RAD54L2: variants seen among roughly 807,000 people sequenced by gnomAD.
RAD54L2 encodes the protein RAD54 like 2, also known as helicase ARIP4.
RAD54L2 carries 27 observed loss-of-function variants against 138.4 expected under a neutral mutation model. The ratio of observed to expected loss-of-function variants is 0.20; its 90% CI spans 0.14 to 0.27. The LOEUF (loss-of-function observed/expected upper bound fraction) is 0.27. Among genes scored for constraint, RAD54L2 ranks in the 10% least tolerant of loss-of-function variants. The pLI, the probability that RAD54L2 is intolerant of heterozygous loss-of-function variation, is 1.00. For missense variants in RAD54L2, 1,396 were observed against 1,890.2 expected, an observed-to-expected ratio of 0.74 and a Z score of 4.85; for synonymous variants, 644 against 723.2, an observed-to-expected ratio of 0.89 and a Z score of 1.76.
chr3:51,541,549 AGGC>A (rs1698548843), intron 1 of RAD54L2, 37 bp from the exon 2 acceptor site: 1 of 152,170 alleles, frequency 6.6e-6, no homozygotes, highest in Non-Finnish European at 1.5e-5. Flanking sequence ...GGGAGCATGA[AGGC>A]GTTGCTTATC....
chr3:51,638,400 T>C lies in RAD54L2; in HGVS notation c.1860+79T>C, dbSNP rs142303419. Reference sequence around the variant, plus strand: ...CCAAGGGAGTTACTCCTACTGAGAGTCTTCAATAAAGGGAGAATAAAGTGA... The same window carrying C: ...CCAAGGGAGTTACTCCTACTGAGAGCCTTCAATAAAGGGAGAATAAAGTGA... On this transcript the variant is annotated intron_variant, in intron 12 of 22. Coordinates refer to ENST00000684192, the MANE Select transcript of RAD54L2 (RefSeq NM_015106.4). This position sits in a 1 kb window ranked among gnomAD's most constrained non-coding sequence, Gnocchi z 4.3. 7.9e-4 allele frequency: 1,210 copies of C among 1,533,206 alleles called. 11 individuals are homozygous for C. In the African/African-American group the frequency reaches 0.014, roughly 18 times the overall value. 95.0% of individuals were successfully genotyped at this position (1,533,206 alleles called of 1,614,324 possible). A position where few individuals can be genotyped will look rare whatever the true frequency, so the allele number is the denominator to read the frequency against.
intron 2 of RAD54L2, among the ~76,000 whole-genome samples, chr3:51,578,250 T>C (rs1286493626): frequency 1.3e-5 from 2 of 151,994 alleles, no homozygotes; most frequent in Admixed American, 6.6e-5. Flanking sequence ...TGTTGAGGTA[T>C]ACACAGGTAG....
At chr3:51,610,378 C>T (rs1272993290) in intron 3 of RAD54L2, among the ~76,000 whole-genome samples, 2 of 151,920 alleles carry the variant, frequency 1.3e-5, no homozygotes, top group Non-Finnish European at 2.9e-5. Context: ...CCGAGATGGG[C>T]GGATCACTTG....
At chr3:51,603,431 C>T (rs1323621439) in intron 3 of RAD54L2, among the ~76,000 whole-genome samples, 1 of 152,044 alleles carries the variant, frequency 6.6e-6, no homozygotes, top group South Asian at 2.1e-4. Flanking sequence ...CAAGGTGAAA[C>T]CCCGCCTCTA....
chr3:51,581,201 G>A (rs1023891659), intron 2 of RAD54L2, among the ~76,000 whole-genome samples: 7 of 152,102 alleles, frequency 4.6e-5, no homozygotes, highest in Non-Finnish European at 1.0e-4. Context: ...GGGTTCAAGC[G>A]ATTCTCCTGC....
At chr3:51,631,346 C>G (rs866829865) in intron 7 of RAD54L2, among the ~76,000 whole-genome samples, 1 of 151,608 alleles carries the variant, frequency 6.6e-6, no homozygotes, top group Non-Finnish European at 1.5e-5. Flanking sequence ...TGTGTTGATC[C>G]AGAGCCTGGA....
intron 1 of RAD54L2, chr3:51,541,143 C>T (rs747581500): frequency 2.6e-5 from 4 of 151,868 alleles, no homozygotes; most frequent in Non-Finnish European, 4.4e-5. Context: ...CTTTGGGCAC[C>T]TCAAAAATGC....
intron 3 of RAD54L2, among the ~76,000 whole-genome samples, chr3:51,620,005 T>G (rs1700532071): frequency 6.6e-6 from 1 of 152,136 alleles, no homozygotes; most frequent in Non-Finnish European, 1.5e-5. Flanking sequence ...GGTGCAGAGT[T>G]TTTGGCACAC....
intron 3 of RAD54L2, among the ~76,000 whole-genome samples, chr3:51,600,116 A>G (rs80301381): frequency 0.067 from 10,208 of 151,654 alleles, 894 homozygotes; most frequent in East Asian, 0.33. Flanking sequence ...TATTTTTAGT[A>G]TATTTTTAGT....
chr3:51,545,418 G>C (rs973892205), intron 2 of RAD54L2, among the ~76,000 whole-genome samples: 1 of 151,656 alleles, frequency 6.6e-6, no homozygotes, highest in Non-Finnish European at 1.5e-5. Context: ...TCTTGAACTC[G>C]TGACCTTGTG....
intron 20 of RAD54L2, among the ~76,000 whole-genome samples, chr3:51,657,102 A>G (rs1177525181): frequency 1.3e-5 from 2 of 152,190 alleles, no homozygotes; most frequent in East Asian, 1.9e-4. Context: ...AAACACATGA[A>G]AAGAAAAAGA....
At chr3:51,652,736 C>T (rs1701476657) in intron 19 of RAD54L2, among the ~76,000 whole-genome samples, 1 of 152,146 alleles carries the variant, frequency 6.6e-6, no homozygotes, top group Non-Finnish European at 1.5e-5. Context: ...ATGTAGAAAG[C>T]TGAAACTGGA....
At chr3:51,603,385 C>T (rs1429291719) in intron 3 of RAD54L2, among the ~76,000 whole-genome samples, 2 of 152,182 alleles carry the variant, frequency 1.3e-5, no homozygotes, top group African/African-American at 2.4e-5. Flanking sequence ...GCAGGTGGAT[C>T]ACTTGAAGTT....
intron 5 of RAD54L2, 69 bp from the exon 6 acceptor site, chr3:51,630,203 T>C (rs558250054): frequency 8.2e-7 from 1 of 1,216,072 alleles, no homozygotes; most frequent in Non-Finnish European, 1.2e-6. Context: ...GGGTGGTGAA[T>C]TGTTTTGGGA....
chr3:51,596,022 A>C (rs546749574), intron 3 of RAD54L2, among the ~76,000 whole-genome samples: 2 of 146,410 alleles, frequency 1.4e-5, no homozygotes, highest in East Asian at 4.1e-4. Flanking sequence ...GCAGCACCCC[A>C]GGGTCAGGTG....
intron 2 of RAD54L2, among the ~76,000 whole-genome samples, chr3:51,575,316 G>C (rs1351246636): frequency 6.6e-6 from 1 of 152,196 alleles, no homozygotes; most frequent in Non-Finnish European, 1.5e-5. Flanking sequence ...GCTTAGGATT[G>C]TCTTGGCAAT....
intron 2 of RAD54L2, among the ~76,000 whole-genome samples, chr3:51,577,177 A>C (rs1699499567): frequency 6.6e-6 from 1 of 152,126 alleles, no homozygotes; most frequent in South Asian, 2.1e-4. Flanking sequence ...CTTAATCCTG[A>C]GTTCTAATTT....
intron 2 of RAD54L2, among the ~76,000 whole-genome samples, chr3:51,553,855 C>T (rs530960554): frequency 9.7e-4 from 148 of 152,240 alleles, no homozygotes; most frequent in Non-Finnish European, 1.5e-3. Context: ...GTTATGTTTG[C>T]ACCATACTAT....
intron 2 of RAD54L2, among the ~76,000 whole-genome samples, chr3:51,551,233 A>C (rs1698829149): frequency 6.6e-6 from 1 of 152,008 alleles, no homozygotes; most frequent in African/African-American, 2.4e-5. Context: ...CCCAGGCTCA[A>C]GCAGTCCACC....
Sources: allele counts gnomAD v4.1 joint callset (sites outside exome capture counted in the v4.1 genomes callset), GRCh38; gene constraint gnomAD v4.1.1; non-coding constraint Gnocchi (gnomAD v3.1); transcripts MANE v1.5; gene names NCBI Gene and HGNC (gene_info 2026-07-23, HGNC 2026-07-21).